The following EXD2 variants were observed in gnomAD, a reference collection of about 807,000 sequenced individuals.
EXD2 encodes the protein exonuclease 3'-5' domain containing 2, also known as exonuclease 3'-5' domain-containing protein 2.
In EXD2, 40 loss-of-function variants were observed where a neutral mutation model predicts 62.5. The ratio of observed to expected loss-of-function variants is 0.64; its 90% CI spans 0.50 to 0.83. EXD2 has a LOEUF of 0.83. Ranked by LOEUF, EXD2 falls within the 40% of genes least tolerant of loss-of-function variation. The pLI, the probability that EXD2 is intolerant of heterozygous loss-of-function variation, is 0.00. For missense variants in EXD2, 671 were observed against 761.8 expected (o/e 0.88, Z 1.40); for synonymous variants, 239 against 291.9 (o/e 0.82, Z 1.85).
intron 3 of EXD2, among the ~76,000 whole-genome samples, chr14:69,226,766 C>T (rs562689657): frequency 4.6e-4 from 59 of 127,486 alleles, no homozygotes; most frequent in Admixed American, 3.6e-3. Context: ...GGGCCAGAGC[C>T]CTCCCAGTTT....
chr14:69,236,332 G>A, intron 7 of EXD2, 75 bp from the exon 8 acceptor site: 1 of 1,608,516 alleles, frequency 6.2e-7, no homozygotes, highest in Non-Finnish European at 8.5e-7. Context: ...AGAGAACAGT[G>A]AAGGTAGTGC....
At chr14:69,204,238 A>G (rs182379049) in intron 2 of EXD2, among the ~76,000 whole-genome samples, 19 of 152,366 alleles carry the variant, frequency 1.2e-4, no homozygotes, top group African/African-American at 4.6e-4. Context: ...TAAAATTTGA[A>G]AAATAAAAAT....
rs1490058726 is a variant in EXD2, at chr14:69,241,004, G to A, written c.1770G>A (p.Met590Ile). 2 of 1,613,182 alleles carry A rather than the reference G, an allele frequency of 1.2e-6. No individual in the cohort carries two copies. The change falls in exon 10 of 10, where the codon ATG (methionine) becomes ATA (isoleucine). Residue 590 changes from methionine (M) to isoleucine (I), a missense_variant. By Grantham distance (10) the Met-to-Ile change is conservative. Transcript: ENST00000685843. ...GGCGTCAGCACTTCCTGGACTCCATGCAGCCCAAGCACCTGCCCCAGCAGT... is the reference window on the plus strand; with the variant it reads ...GGCGTCAGCACTTCCTGGACTCCATACAGCCCAAGCACCTGCCCCAGCAGT... ...SRWRQHFLDS[M>I]QPKHLPQQWS...
intron 3 of EXD2, among the ~76,000 whole-genome samples, chr14:69,221,909 TAAAAAAAAAA>T (rs60647735): frequency 1.3e-4 from 7 of 52,034 alleles, no homozygotes; most frequent in Admixed American, 3.2e-4. Context: ...CTGTCTCTAC[TAAAAAAAAAA>T]AAAAAAAAAA....
At chr14:69,229,570 A>C (rs2043495565) in intron 4 of EXD2, among the ~76,000 whole-genome samples, 1 of 152,082 alleles carries the variant, frequency 6.6e-6, no homozygotes, top group Non-Finnish European at 1.5e-5. Flanking sequence ...TCCCATTGTA[A>C]CCCTGGCTCC....
At chr14:69,201,587 C>T (rs182105181) in intron 1 of EXD2, among the ~76,000 whole-genome samples, 2 of 152,114 alleles carry the variant, frequency 1.3e-5, no homozygotes, top group African/African-American at 4.8e-5. Context: ...TGCCCTCCTC[C>T]TGTCTGGCTC....
At chr14:69,234,382 T>C (rs777829561) in intron 5 of EXD2, among the ~76,000 whole-genome samples, 5 of 152,178 alleles carry the variant, frequency 3.3e-5, no homozygotes, top group Non-Finnish European at 5.9e-5. Context: ...GAGAGAAATC[T>C]GTCCAGCAAT....
intron 3 of EXD2, among the ~76,000 whole-genome samples, chr14:69,213,086 T>A (rs1044524150): frequency 5.5e-5 from 8 of 146,412 alleles, no homozygotes; most frequent in African/African-American, 2.0e-4. Flanking sequence ...CTTCTTTTCT[T>A]TTTTTTTTTT....
At chr14:69,223,375 T>C (rs2043251544) in intron 3 of EXD2, among the ~76,000 whole-genome samples, 1 of 152,178 alleles carries the variant, frequency 6.6e-6, no homozygotes, top group African/African-American at 2.4e-5. Context: ...TCCCTAGTCT[T>C]CCCCACATTT....
chr14:69,195,297 G>A (rs1047784227), intron 1 of EXD2, among the ~76,000 whole-genome samples: 4 of 151,424 alleles, frequency 2.6e-5, no homozygotes, highest in South Asian at 2.1e-4. Context: ...TCCTGGGCTC[G>A]AGTGATCCTC....
chr14:69,213,559 T>TTTTTTG (rs2042890473), intron 3 of EXD2, among the ~76,000 whole-genome samples: 1 of 140,944 alleles, frequency 7.1e-6, no homozygotes, highest in Non-Finnish European at 1.5e-5. Flanking sequence ...TTTTTTTTTG[T>TTTTTTG]AGAAATGGGG....
chr14:69,221,875 C>G (rs2043193058), intron 3 of EXD2, among the ~76,000 whole-genome samples: 2 of 139,414 alleles, frequency 1.4e-5, no homozygotes, highest in African/African-American at 5.4e-5. Flanking sequence ...AGTTCAAGAC[C>G]AGCCTGGCCA....
At chr14:69,227,799 A>C (rs1318307978) in intron 3 of EXD2, among the ~76,000 whole-genome samples, 1 of 152,210 alleles carries the variant, frequency 6.6e-6, no homozygotes, top group Non-Finnish European at 1.5e-5. Context: ...GAGCCACTGC[A>C]CTCAAGCCTG....
At chr14:69,234,333 A>C (rs548432572) in intron 5 of EXD2, among the ~76,000 whole-genome samples, 1 of 152,308 alleles carries the variant, frequency 6.6e-6, no homozygotes, top group East Asian at 1.9e-4. Context: ...TTCATGTACT[A>C]GTTATCAGGC....
At chr14:69,228,435 G>T (rs1329709634) in intron 3 of EXD2, among the ~76,000 whole-genome samples, 1 of 151,974 alleles carries the variant, frequency 6.6e-6, no homozygotes, top group Admixed American at 6.6e-5. Flanking sequence ...CAGGTGATCC[G>T]CCCGCCTTGG....
intron 1 of EXD2, among the ~76,000 whole-genome samples, chr14:69,200,890 A>G (rs1365698850): frequency 6.6e-6 from 1 of 152,038 alleles, no homozygotes; most frequent in Non-Finnish European, 1.5e-5. Context: ...CCTGGCCAAC[A>G]TGGTAAAACC....
intron 3 of EXD2, among the ~76,000 whole-genome samples, chr14:69,223,353 C>T (rs1396609929): frequency 6.6e-6 from 1 of 152,128 alleles, no homozygotes; most frequent in African/African-American, 2.4e-5. Context: ...ATTTTTCTTC[C>T]CAAACTTGTT....
At chr14:69,200,173 C>T (rs993810893) in intron 1 of EXD2, among the ~76,000 whole-genome samples, 1 of 151,956 alleles carries the variant, frequency 6.6e-6, no homozygotes, top group Non-Finnish European at 1.5e-5. Flanking sequence ...CAGCACATGA[C>T]TATATTGAAC....
At chr14:69,195,053 C>T (rs1299487880) in intron 1 of EXD2, among the ~76,000 whole-genome samples, 1 of 152,050 alleles carries the variant, frequency 6.6e-6, no homozygotes, top group Non-Finnish European at 1.5e-5. Flanking sequence ...CCAGTCTCTA[C>T]TAAAAATACA....
Sources: allele counts gnomAD v4.1 joint callset (sites outside exome capture counted in the v4.1 genomes callset), GRCh38; gene constraint gnomAD v4.1.1; transcripts MANE v1.5; gene names NCBI Gene and HGNC (gene_info 2026-07-23, HGNC 2026-07-21).